Variants in MARCHF1 observed in about 807,000 individuals in gnomAD.
MARCHF1 encodes the protein membrane associated ring-CH-type finger 1, also known as E3 ubiquitin-protein ligase MARCHF1.
MARCHF1 carries 40 observed loss-of-function variants against 54.2 expected under a neutral mutation model. The observed-to-expected ratio is 0.74, with a 90% CI of 0.57 to 0.96. The LOEUF (loss-of-function observed/expected upper bound fraction) is 0.96. MARCHF1 is among the 40% of genes least tolerant of loss of function. MARCHF1 has a pLI of 0.00. For missense variants in MARCHF1, 586 were observed against 656.5 expected (o/e 0.89, Z 1.17); for synonymous variants, 236 against 236.3 (o/e 1.00, Z 0.01).
At chr4:163,786,104 G>A (rs1166085563) in intron 4 of MARCHF1, among the ~76,000 whole-genome samples, 7 of 152,024 alleles carry the variant, frequency 4.6e-5, no homozygotes, top group Admixed American at 3.9e-4. Flanking sequence ...TCTCCAGAAG[G>A]AATTCAGTCC....
intron 1 of MARCHF1, among the ~76,000 whole-genome samples, chr4:164,330,912 G>A (rs1185260995): frequency 6.6e-6 from 1 of 152,010 alleles, no homozygotes; most frequent in Non-Finnish European, 1.5e-5. Context: ...ATATAATGAC[G>A]CTCCAGTTCT....
chr4:164,346,576 T>C (rs1730103934), intron 1 of MARCHF1, among the ~76,000 whole-genome samples: 1 of 134,722 alleles, frequency 7.4e-6, no homozygotes, highest in Admixed American at 7.7e-5. Context: ...TGACAAATGC[T>C]GATGTCCTCA....
chr4:164,270,526 C>G (rs754816919), intron 1 of MARCHF1, among the ~76,000 whole-genome samples: 1 of 152,180 alleles, frequency 6.6e-6, no homozygotes, highest in African/African-American at 2.4e-5. Flanking sequence ...ATGTTACATA[C>G]TAGGTGTGCT....
intron 5 of MARCHF1, among the ~76,000 whole-genome samples, chr4:163,677,416 A>G (rs1743954614): frequency 6.6e-6 from 1 of 152,120 alleles, no homozygotes; most frequent in African/African-American, 2.4e-5. Context: ...ACCAGCTTGG[A>G]AGACACCAAG....
intron 4 of MARCHF1, among the ~76,000 whole-genome samples, chr4:163,848,771 C>T (rs1749559471): frequency 6.6e-6 from 1 of 152,022 alleles, no homozygotes; most frequent in Non-Finnish European, 1.5e-5. Context: ...CTTCCAAACC[C>T]CTCAAGGTTA....
chr4:163,830,438 G>A lies in MARCHF1; in HGVS notation c.111+23583C>T, dbSNP rs377633592. Among the ~76,000 whole-genome samples, 4 of 152,220 alleles carry A rather than the reference G, an allele frequency of 2.6e-5. No individual in the cohort carries two copies. In the South Asian group the frequency reaches 6.2e-4, roughly 24 times the overall value. ...AACAAAGAAAATATGGAAAGGAGAG[G>A]AAAGAAATGTTGGGGCTCTCAGAGA... On this transcript the variant is annotated intron_variant, in intron 4 of 9. Coordinates refer to ENST00000514618, the MANE Select transcript of MARCHF1 (RefSeq NM_001394959.1).
intron 5 of MARCHF1, among the ~76,000 whole-genome samples, chr4:163,632,820 G>C (rs1219682803): frequency 6.6e-6 from 1 of 152,238 alleles, no homozygotes; most frequent in African/African-American, 2.4e-5. Flanking sequence ...AAAGACAGCA[G>C]TAACCTCTGC....
intron 8 of MARCHF1, among the ~76,000 whole-genome samples, chr4:163,561,569 C>T (rs1560943235): frequency 1.3e-5 from 2 of 152,184 alleles, no homozygotes; most frequent in South Asian, 4.2e-4. Context: ...CAAATTATTT[C>T]ACTATTAGCA....
At chr4:163,728,506 C>T (rs1486532849) in intron 4 of MARCHF1, among the ~76,000 whole-genome samples, 1 of 151,114 alleles carries the variant, frequency 6.6e-6, no homozygotes, top group Non-Finnish European at 1.5e-5. Context: ...CATTGATCTT[C>T]CCCCCCATAC....
intron 1 of MARCHF1, among the ~76,000 whole-genome samples, chr4:164,291,462 T>A (rs1210153818): frequency 6.6e-6 from 1 of 152,084 alleles, no homozygotes; most frequent in African/African-American, 2.4e-5. Context: ...CCATAAGACA[T>A]AATTATCATT....
chr4:163,695,776 G>T (rs13145197), intron 5 of MARCHF1, among the ~76,000 whole-genome samples: 48,743 of 151,962 alleles, frequency 0.32, 9,476 homozygotes, highest in Non-Finnish European at 0.45. Flanking sequence ...GTTTTTCTTG[G>T]GAGATACATA....
At chr4:164,195,919 A>G (rs921873792) in intron 1 of MARCHF1, among the ~76,000 whole-genome samples, 9 of 152,204 alleles carry the variant, frequency 5.9e-5, no homozygotes, top group Admixed American at 1.3e-4. Context: ...CTGCTTTATT[A>G]CTAGAATTTA....
intron 3 of MARCHF1, among the ~76,000 whole-genome samples, chr4:163,983,092 A>G (rs1356944391): frequency 1.3e-5 from 2 of 152,202 alleles, no homozygotes; most frequent in East Asian, 1.9e-4. Context: ...ACAGATGTCC[A>G]TTAGAGGTGA....
intron 2 of MARCHF1, among the ~76,000 whole-genome samples, chr4:164,037,068 G>T (rs1377102083): frequency 6.6e-6 from 1 of 152,148 alleles, no homozygotes; most frequent in East Asian, 1.9e-4. Context: ...TCTAAGATTT[G>T]GGGCTTGAAC....
chr4:163,854,952 A>G (rs777785104), intron 3 of MARCHF1, among the ~76,000 whole-genome samples: 10 of 152,160 alleles, frequency 6.6e-5, no homozygotes, highest in Non-Finnish European at 1.5e-4. Context: ...AGTAATTAGA[A>G]ATAGTTTATT....
intron 5 of MARCHF1, among the ~76,000 whole-genome samples, chr4:163,679,039 A>C (rs560636760): frequency 3.0e-4 from 45 of 152,358 alleles, no homozygotes; most frequent in African/African-American, 1.1e-3. Flanking sequence ...GATTTGGGCA[A>C]GAGGGATGAA....
chr4:163,717,597 G>C (rs1012260944), intron 4 of MARCHF1, among the ~76,000 whole-genome samples: 8 of 152,128 alleles, frequency 5.3e-5, no homozygotes, highest in African/African-American at 1.9e-4. Flanking sequence ...GGTTGAACTA[G>C]TTTACAGTCC....
At chr4:164,139,653 C>T (rs1756478946) in intron 1 of MARCHF1, among the ~76,000 whole-genome samples, 1 of 152,062 alleles carries the variant, frequency 6.6e-6, no homozygotes, top group African/African-American at 2.4e-5. Context: ...AGCTGCTCAT[C>T]CCTGCTGTAA....
chr4:164,016,884 A>G (rs1460272707), intron 2 of MARCHF1, among the ~76,000 whole-genome samples: 1 of 152,190 alleles, frequency 6.6e-6, no homozygotes, highest in Non-Finnish European at 1.5e-5. Flanking sequence ...ATCATTATAC[A>G]TAGTATGCTT....
Sources: allele counts gnomAD v4.1 joint callset (sites outside exome capture counted in the v4.1 genomes callset), GRCh38; gene constraint gnomAD v4.1.1; transcripts MANE v1.5; gene names NCBI Gene and HGNC (gene_info 2026-07-23, HGNC 2026-07-21).